Variants in ATP11A observed in about 807,000 individuals in gnomAD.
The protein encoded by ATP11A is phospholipid-transporting ATPase IH.
In ATP11A, 81 loss-of-function variants were observed where a neutral mutation model predicts 154.4. The observed-to-expected ratio is 0.52, with a 90% confidence interval of 0.44 to 0.63. ATP11A has a LOEUF of 0.63. ATP11A is among the 30% of genes least tolerant of loss of function. ATP11A has a pLI of 0.00. For synonymous variants in ATP11A, 623 were observed against 585.9 expected, an observed-to-expected ratio of 1.06 and a Z score of -0.91; for missense variants, 1,316 against 1,474.3, an observed-to-expected ratio of 0.89 and a Z score of 1.76.
chr13:112,841,247 A>G (rs1436009607), intron 16 of ATP11A, among the ~76,000 whole-genome samples: 5 of 146,110 alleles, frequency 3.4e-5, no homozygotes, highest in Non-Finnish European at 6.0e-5. Flanking sequence ...CTTCAGGTGC[A>G]GAGGGGGCTC....
At chr13:112,877,152 G>A (rs1242721150) in intron 28 of ATP11A, among the ~76,000 whole-genome samples, 3 of 152,200 alleles carry the variant, frequency 2.0e-5, no homozygotes, top group African/African-American at 7.2e-5. Context: ...AAACGCAGCA[G>A]AACGTGCCAG....
At chr13:112,803,689 C>T (rs77464370) in intron 2 of ATP11A, among the ~76,000 whole-genome samples, 4,244 of 148,800 alleles carry the variant, frequency 0.029, 173 homozygotes, top group African/African-American at 0.079. Context: ...CCCTCCTTCC[C>T]CTCCCTCCCC....
intron 5 of ATP11A, 43 bp downstream of exon 5, chr13:112,810,769 C>T (rs1555330414): frequency 6.4e-7 from 1 of 1,573,092 alleles, no homozygotes; most frequent in Non-Finnish European, 8.7e-7. Context: ...AGTCCAGTAA[C>T]TGTTTAAAAA....
chr13:112,852,279 T>G (rs2079788027), intron 18 of ATP11A, among the ~76,000 whole-genome samples: 1 of 152,242 alleles, frequency 6.6e-6, no homozygotes, highest in Admixed American at 6.5e-5. Flanking sequence ...TTTGAAAGTC[T>G]TTAAGATCCA....
At chr13:112,748,664 C>T (rs2076617786) in intron 1 of ATP11A, among the ~76,000 whole-genome samples, 1 of 152,186 alleles carries the variant, frequency 6.6e-6, no homozygotes. Flanking sequence ...CCACGCCCGG[C>T]CTGAATGCAA....
intron 1 of ATP11A, among the ~76,000 whole-genome samples, chr13:112,713,336 A>G (rs915398464): frequency 5.9e-5 from 9 of 152,238 alleles, no homozygotes; most frequent in Non-Finnish European, 2.9e-5. Flanking sequence ...CGGAGGTTGC[A>G]GTGAGCCAAG....
chr13:112,705,431 G>A (rs1363693404), intron 1 of ATP11A, among the ~76,000 whole-genome samples: 6 of 136,560 alleles, frequency 4.4e-5, no homozygotes, highest in African/African-American at 1.5e-4. Context: ...TGCTGTATGC[G>A]CTGAAGATTC....
At chr13:112,814,308 C>G (rs1240143386) in intron 5 of ATP11A, among the ~76,000 whole-genome samples, 1 of 152,058 alleles carries the variant, frequency 6.6e-6, no homozygotes. Context: ...AGTGATCTGC[C>G]TGCCTCGGCC....
intron 1 of ATP11A, among the ~76,000 whole-genome samples, chr13:112,692,287 TA>T: frequency 6.6e-6 from 1 of 152,318 alleles, no homozygotes; most frequent in East Asian, 1.9e-4. Context: ...CACTCAGTGT[TA>T]AAAAGGAGGG....
intron 1 of ATP11A, among the ~76,000 whole-genome samples, chr13:112,729,749 G>T (rs886566119): frequency 6.6e-6 from 1 of 152,248 alleles, no homozygotes; most frequent in African/African-American, 2.4e-5. Context: ...AGGCCAGCAG[G>T]CCGCTGAATC....
intron 1 of ATP11A, among the ~76,000 whole-genome samples, chr13:112,712,621 G>C (rs969068048): frequency 6.6e-6 from 1 of 152,152 alleles, no homozygotes; most frequent in Non-Finnish European, 1.5e-5. Flanking sequence ...ACAGCCCCTC[G>C]ACTCCCTGCG....
At chr13:112,803,304 T>TA (rs925616581) in intron 2 of ATP11A, among the ~76,000 whole-genome samples, 109 of 152,364 alleles carry the variant, frequency 7.2e-4, no homozygotes, top group African/African-American at 2.5e-3. Context: ...CTTTAGTTGT[T>TA]ACATTGAATT....
Position 112,842,984 on chromosome 13 carries a change from G to A in ATP11A, c.1809+605G>A, listed in dbSNP as rs147413368. On this transcript the variant is annotated intron_variant, in intron 17 of 29. Transcript: ENST00000375645. ...TCTCACAGCAGGGCCTCCCCTCCCC[G>A]TCAGACGCGCTAAAGCCGGGCAACA... Among the ~76,000 whole-genome samples, 159 of 152,364 alleles carry A rather than the reference G, an allele frequency of 1.0e-3. 1 individual carries two copies. In the East Asian group the frequency reaches 0.017, roughly 16 times the overall value.
intron 19 of ATP11A, 56 bp from the exon 20 acceptor site, chr13:112,855,855 C>T: frequency 6.7e-7 from 1 of 1,496,096 alleles, no homozygotes; most frequent in Non-Finnish European, 9.0e-7. Flanking sequence ...ATACAGTCTT[C>T]TAAAATCTAT....
intron 26 of ATP11A, among the ~76,000 whole-genome samples, chr13:112,872,111 C>G (rs1441204635): frequency 6.6e-6 from 1 of 151,994 alleles, no homozygotes; most frequent in Non-Finnish European, 1.5e-5. Flanking sequence ...GGCAAGTAGC[C>G]CTCCCCCCAG....
At chr13:112,765,208 G>A (rs1566446788) in intron 1 of ATP11A, among the ~76,000 whole-genome samples, 1 of 142,572 alleles carries the variant, frequency 7.0e-6, no homozygotes, top group Non-Finnish European at 1.5e-5. Flanking sequence ...CTCATGTCTG[G>A]ACACAGACAG....
chr13:112,777,225 T>G (rs1594650166), intron 1 of ATP11A, among the ~76,000 whole-genome samples: 1 of 152,166 alleles, frequency 6.6e-6, no homozygotes, highest in East Asian at 1.9e-4. Context: ...ACTGTGTGTT[T>G]TCAGGCAGCA....
At chr13:112,823,438 G>A in intron 9 of ATP11A, 29 bp downstream of exon 9, 6 of 1,556,276 alleles carry the variant, frequency 3.9e-6, no homozygotes, top group East Asian at 2.2e-5. Context: ...ATTAACCATT[G>A]CCCCTAACAT....
chr13:112,835,130 C>T (rs775708771), intron 15 of ATP11A, among the ~76,000 whole-genome samples: 1 of 151,904 alleles, frequency 6.6e-6, no homozygotes, highest in Non-Finnish European at 1.5e-5. Flanking sequence ...TTACGCTTTT[C>T]AGTCACCAGT....
Sources: allele counts gnomAD v4.1 joint callset (sites outside exome capture counted in the v4.1 genomes callset), GRCh38; gene constraint gnomAD v4.1.1; transcripts MANE v1.5; gene names NCBI Gene and HGNC (gene_info 2026-07-23, HGNC 2026-07-21).